Variants in PTPRE observed in about 807,000 individuals in gnomAD.
PTPRE encodes protein tyrosine phosphatase receptor type E.
Under a neutral mutation model 102.0 loss-of-function variants are expected in PTPRE, and 51 were observed. The ratio of observed to expected loss-of-function variants is 0.50; its 90% CI spans 0.40 to 0.63. The LOEUF (loss-of-function observed/expected upper bound fraction) is 0.63, where lower values mean the gene tolerates loss of function less well. Among genes scored for constraint, PTPRE ranks in the 30% least tolerant of loss-of-function variants. PTPRE has a pLI of 0.00. For missense variants in PTPRE, 752 were observed against 915.1 expected, an observed-to-expected ratio of 0.82 and a Z score of 2.30; for synonymous variants, 345 against 348.2, an observed-to-expected ratio of 0.99 and a Z score of 0.10.
intron 7 of PTPRE, 100 bp from the exon 8 acceptor site, chr10:128,060,839 C>A: frequency 2.6e-6 from 3 of 1,174,644 alleles, no homozygotes; most frequent in Non-Finnish European, 3.8e-6. Context: ...TTCCCAGGAG[C>A]TGACACTGCA....
intron 2 of PTPRE, among the ~76,000 whole-genome samples, chr10:128,003,736 T>C (rs1372833337): frequency 6.6e-6 from 1 of 152,074 alleles, no homozygotes; most frequent in Non-Finnish European, 1.5e-5. Context: ...TAATAATGAG[T>C]GTAATTTGCA....
rs1357902075 is a variant in PTPRE, at chr10:128,066,894, G to GCA, written c.843+704_843+705dup. Among the ~76,000 whole-genome samples the GCA allele has an allele frequency of 1.9e-3, 288 of 151,802 alleles. 2 individuals carry two copies. Among genetic ancestry groups the GCA allele is most frequent in the African/African-American group, 6.4e-3 (264 of 41,360 alleles). ...CACAGGCGCACACAGGCACTCACAT[G>GCA]CACACGCACACACATACTCCCACAC... is the stretch of plus-strand genomic sequence containing the variant. On this transcript the variant is annotated intron_variant, in intron 11 of 20. Coordinates refer to ENST00000254667, the MANE Select transcript of PTPRE (RefSeq NM_006504.6).
chr10:128,048,324 C>T lies in PTPRE; in HGVS notation c.283+487C>T, dbSNP rs184430904. On this transcript the variant is annotated intron_variant, in intron 5 of 20. Coordinates refer to ENST00000254667, the MANE Select transcript of PTPRE (RefSeq NM_006504.6). ...CGAAGTACAGTTTCGAACTTGTTGT[C>T]GCTACTTACAAAGGAACATTGTTTT... 3.9e-5 allele frequency among the ~76,000 whole-genome samples: 6 copies of T among 152,250 alleles called. No homozygotes were observed. In the East Asian group the frequency reaches 7.7e-4, roughly 20 times the overall value.
At chr10:128,001,518 T>C (rs890738071) in intron 2 of PTPRE, among the ~76,000 whole-genome samples, 1 of 152,192 alleles carries the variant, frequency 6.6e-6, no homozygotes, top group Non-Finnish European at 1.5e-5. Context: ...TCGGGGCTGT[T>C]CAGTGCTGCT....
chr10:128,018,296 G>A (rs1476720042), intron 2 of PTPRE, among the ~76,000 whole-genome samples: 5 of 152,138 alleles, frequency 3.3e-5, no homozygotes, highest in Admixed American at 2.0e-4. Context: ...GCTCCCTCCC[G>A]GCTGCTGGAT....
intron 2 of PTPRE, among the ~76,000 whole-genome samples, chr10:128,010,595 C>CTTTTCTTTTCTTTTCTTTTTTTTT (rs1459323086): frequency 3.4e-5 from 1 of 29,332 alleles, no homozygotes; most frequent in African/African-American, 1.4e-4. Flanking sequence ...TCTTTTCTTT[C>CTTTTCTTTTCTTTTCTTTTTTTTT]CTTTTGAGAT....
At chr10:128,010,317 C>T (rs1377219569) in intron 2 of PTPRE, among the ~76,000 whole-genome samples, 3 of 152,168 alleles carry the variant, frequency 2.0e-5, no homozygotes, top group Non-Finnish European at 4.4e-5. Flanking sequence ...TTGAGGTATG[C>T]CCAGCCTTTG....
Position 128,008,776 on chromosome 10 carries a change from C to T in PTPRE, c.-8+26480C>T, listed in dbSNP as rs191863865. Among the ~76,000 whole-genome samples the T allele has an allele frequency of 6.6e-6, 1 of 152,286 alleles. No individual in the cohort carries two copies. Among genetic ancestry groups the T allele is most frequent in the East Asian group, 1.9e-4 (1 of 5,186 alleles). On this transcript the variant is annotated intron_variant, in intron 2 of 20. Transcript: ENST00000254667. This position sits in a 1 kb window ranked among gnomAD's most constrained non-coding sequence, Gnocchi z 4.0. Reference sequence around the variant, plus strand: ...CAGAAGCACATCAGCTGAATAAATGCACCAAAGCCTCCAGGCATCCAGCCT... The same window carrying T: ...CAGAAGCACATCAGCTGAATAAATGTACCAAAGCCTCCAGGCATCCAGCCT...
intron 1 of PTPRE, among the ~76,000 whole-genome samples, chr10:127,930,454 C>T (rs1847347059): frequency 6.6e-6 from 1 of 152,194 alleles, no homozygotes; most frequent in African/African-American, 2.4e-5. Context: ...TAGTCCATTC[C>T]ATTTTATGGC....
At chr10:128,000,267 C>A (rs914749983) in intron 2 of PTPRE, among the ~76,000 whole-genome samples, 63 of 152,150 alleles carry the variant, frequency 4.1e-4, no homozygotes, top group African/African-American at 1.5e-3. Context: ...TAAGTAATCC[C>A]TCTTTCACCT....
At chr10:127,968,461 C>G (rs937757458) in intron 1 of PTPRE, among the ~76,000 whole-genome samples, 2 of 152,234 alleles carry the variant, frequency 1.3e-5, no homozygotes, top group Non-Finnish European at 2.9e-5. Context: ...TTGAGGCCAT[C>G]TGGCGAGTTC....
chr10:127,924,389 C>A (rs1017459394), intron 1 of PTPRE, among the ~76,000 whole-genome samples: 1 of 152,156 alleles, frequency 6.6e-6, no homozygotes, highest in African/African-American at 2.4e-5. Context: ...CCGTGCCTGG[C>A]TAATTTTTGT....
chr10:128,062,715 G>A (rs977623631), intron 9 of PTPRE, among the ~76,000 whole-genome samples: 1 of 152,244 alleles, frequency 6.6e-6, no homozygotes, highest in Non-Finnish European at 1.5e-5. Context: ...TTGACAAAGA[G>A]GAGGGGATTG....
intron 2 of PTPRE, among the ~76,000 whole-genome samples, chr10:127,993,582 G>A (rs906078173): frequency 6.6e-6 from 1 of 152,164 alleles, no homozygotes; most frequent in East Asian, 1.9e-4. Context: ...GTGAATGAGG[G>A]GATGAACAGG....
Position 128,079,638 on chromosome 10 carries a change from T to A in PTPRE, c.1971T>A (p.Asp657Glu). The change falls in exon 20 of 21, where the codon GAT becomes GAA. Residue 657 changes from aspartate to glutamate, a missense_variant. Asp to Glu is a conservative substitution (Grantham distance 45, BLOSUM62 2). This residue lies in a region of PTPRE where 636 missense variants were observed against 824.4 expected (regional missense o/e 0.77). Coordinates refer to ENST00000254667, the MANE Select transcript of PTPRE (RefSeq NM_006504.6). ...GAGTAAAAGCCGAGGGACTTTTAGA[T>A]GTATTTCAAGCTGTGAAGAGTTTAC... The part of the protein sequence containing the change: ...LERVKAEGLL[D>E]VFQAVKSLRL... The A allele has an allele frequency of 6.2e-7, 1 of 1,614,084 alleles. No individual in the cohort carries two copies. The highest frequency in any genetic ancestry group is 2.2e-5 in the East Asian group (1 of 44,888).
At chr10:127,955,862 G>T (rs1284082590) in intron 1 of PTPRE, among the ~76,000 whole-genome samples, 2 of 152,130 alleles carry the variant, frequency 1.3e-5, no homozygotes, top group Non-Finnish European at 2.9e-5. Flanking sequence ...TCTTCACGTG[G>T]TGGCAGGAAA....
intron 2 of PTPRE, among the ~76,000 whole-genome samples, chr10:127,990,411 CA>C (rs60034358): frequency 0.2 from 12,832 of 65,656 alleles, 328 homozygotes; most frequent in South Asian, 0.32. Context: ...GACTCCACCT[CA>C]AAAAAAAAAA....
intron 2 of PTPRE, among the ~76,000 whole-genome samples, chr10:128,010,545 C>CCTTTTCTTTTCTTTT (rs59253362): frequency 0.13 from 16,042 of 128,182 alleles, 1,395 homozygotes; most frequent in African/African-American, 0.15. Context: ...AAACCCTGTT[C>CCTTTTCTTTTCTTTT]CTTTTCTTTT....
chr10:128,049,465 T>C, intron 5 of PTPRE, 65 bp from the exon 6 acceptor site: 1 of 1,574,316 alleles, frequency 6.4e-7, no homozygotes, highest in Non-Finnish European at 8.7e-7. Flanking sequence ...TTGGTCAGCT[T>C]GGTTACTCAG....
Sources: gnomAD v4.1 joint callset for allele counts (sites outside exome capture counted in the v4.1 genomes callset) on GRCh38, gnomAD v4.1.1 for gene constraint, gnomAD v4.1.1 regional missense constraint, Gnocchi (gnomAD v3.1) non-coding constraint, MANE v1.5 for transcripts, NCBI Gene and HGNC (gene_info 2026-07-23, HGNC 2026-07-21) for gene names.